The following CHRNB1 variants were observed in gnomAD, a reference collection of about 807,000 sequenced individuals.
CHRNB1 encodes the protein acetylcholine receptor subunit beta.
In CHRNB1, 47 loss-of-function variants were observed where a neutral mutation model predicts 53.8. The ratio of observed to expected loss-of-function variants is 0.87; its 90% confidence interval spans 0.69 to 1.11. The LOEUF is 1.11. CHRNB1 is among the 50% of genes most tolerant of loss of function. The pLI, the probability that CHRNB1 is intolerant of heterozygous loss-of-function variation, is 0.00. For missense variants in CHRNB1, 605 were observed against 654.9 expected, an observed-to-expected ratio of 0.92 and a Z score of 0.83; for synonymous variants, 259 against 263.5, an observed-to-expected ratio of 0.98 and a Z score of 0.16.
intron 3 of CHRNB1, 127 bp from the exon 4 acceptor site, chr17:7,446,706 C>A: frequency 1.4e-6 from 1 of 715,970 alleles, no homozygotes; most frequent in Non-Finnish European, 2.5e-6. Flanking sequence ...GAACCACGGC[C>A]CCTTGACCCA....
At chr17:7,455,628 G>A in intron 9 of CHRNB1, 166 bp from the exon 10 acceptor site, 1 of 1,214,580 alleles carries the variant, frequency 8.2e-7, no homozygotes, top group Middle Eastern at 2.6e-4. Context: ...AACAGAGGCG[G>A]TGGAAGAAGT....
rs79943786 is a variant in CHRNB1 at position 7,448,574 on chromosome 17, C to T, written c.611-5C>T. ...CTGTGTTCCCCTCCTTCTGCTCATC[C>T]CCAGAGAATGGCCAGTGGGAGATTA... On this transcript the variant is annotated splice_region_variant and splice_polypyrimidine_tract_variant and intron_variant, in intron 6 of 10. Coordinates refer to ENST00000306071, the MANE Select transcript of CHRNB1 (RefSeq NM_000747.3). 6.2e-7 allele frequency: 1 copy of T among 1,614,052 alleles called. No individual in the cohort carries two copies. Among genetic ancestry groups the T allele is most frequent in the Non-Finnish European group, 8.5e-7 (1 of 1,179,960 alleles).
intron 8 of CHRNB1, among the ~76,000 whole-genome samples, 184 bp downstream of exon 8, chr17:7,454,704 C>G (rs933848395): frequency 6.7e-6 from 1 of 150,278 alleles, no homozygotes; most frequent in East Asian, 2.0e-4. Flanking sequence ...CTGCCCATCT[C>G]GGGTCCCAGG....
Position 7,445,580 on chromosome 17 carries a change from G to A in CHRNB1, c.198+171G>A. The A allele has an allele frequency of 6.7e-7, 1 of 1,484,092 alleles. No homozygotes were observed. The highest frequency in any genetic ancestry group is 1.3e-5 in the South Asian group (1 of 75,092). The allele number at this position is 1,484,092 out of a possible 1,614,324, so 91.9% of individuals were successfully genotyped here. ...AAATCAGACCAATGGACAAGCTCTGGCCGTGGGTGGTGGACGGGCCTGGAG... is the reference window on the plus strand; with the variant it reads ...AAATCAGACCAATGGACAAGCTCTGACCGTGGGTGGTGGACGGGCCTGGAG... On this transcript the variant is annotated intron_variant, in intron 2 of 10. Transcript: ENST00000306071. The surrounding 1 kb of genome is among the most constrained non-coding windows in gnomAD (Gnocchi z 5.7).
chr17:7,445,214 C>G lies in CHRNB1; in HGVS notation c.58+29C>G. 1 of 1,611,268 alleles carries G rather than the reference C, an allele frequency of 6.2e-7. No individual in the cohort carries two copies. Among genetic ancestry groups the G allele is most frequent in the Non-Finnish European group, 8.5e-7 (1 of 1,179,380 alleles). ...AGTGTAGGCCCCGAAGGGGCAGTGA[C>G]GGGGCCAGCGGTCGTGGCCAGGCAC... On this transcript the variant is annotated intron_variant, in intron 1 of 10. Transcript: ENST00000306071. This position sits in a 1 kb window ranked among gnomAD's most constrained non-coding sequence, Gnocchi z 5.7.
intron 7 of CHRNB1, among the ~76,000 whole-genome samples, chr17:7,453,915 G>T (rs1908978455): frequency 6.6e-6 from 1 of 151,896 alleles, no homozygotes; most frequent in Admixed American, 6.6e-5. Flanking sequence ...ACAAAAATTA[G>T]CTGGGCATGG....
rs1908572970 is a variant in CHRNB1 at position 7,445,574 on chromosome 17, G to A, written c.198+165G>A. On this transcript the variant is annotated intron_variant, in intron 2 of 10. Transcript: ENST00000306071. The surrounding 1 kb of genome is among the most constrained non-coding windows in gnomAD (Gnocchi z 5.7). ...GGATCGAAATCAGACCAATGGACAA[G>A]CTCTGGCCGTGGGTGGTGGACGGGC... is the stretch of plus-strand genomic sequence containing the variant. 6.7e-7 allele frequency: 1 copy of A among 1,488,016 alleles called. No homozygotes were observed. The highest frequency in any genetic ancestry group is 1.4e-5 in the African/African-American group (1 of 72,034). The allele number at this position is 1,488,016 out of a possible 1,614,324, so 92.2% of individuals were successfully genotyped here.
At position 7,446,123 on chromosome 17, in the gene CHRNB1, C is replaced by G. The variant is rs1406586854; in HGVS notation, c.243+10C>G. The G allele has an allele frequency of 6.2e-7, 1 of 1,612,744 alleles. No homozygotes were observed. Among genetic ancestry groups the G allele is most frequent in the South Asian group, 1.1e-5 (1 of 91,064 alleles). On this transcript the variant is annotated intron_variant, in intron 3 of 10. Transcript: ENST00000306071. The stretch of plus-strand genomic sequence containing the variant: ...GGTGTACTTAGACCTGGTATGGAGA[C>G]CCCACGGGGTGGGAAAGGGCTTCCC...
At chr17:7,451,251 G>GTTCTTTTCTTTTCTT (rs1555552159) in intron 7 of CHRNB1, among the ~76,000 whole-genome samples, 3 of 141,798 alleles carry the variant, frequency 2.1e-5, no homozygotes, top group Non-Finnish European at 4.6e-5. Flanking sequence ...GATGTTTCAG[G>GTTCTTTTCTTTTCTT]TTCTTTTCTT....
chr17:7,455,762 C>G (rs1401263966), intron 9 of CHRNB1, 32 bp from the exon 10 acceptor site: 1 of 1,614,074 alleles, frequency 6.2e-7, no homozygotes, highest in South Asian at 1.1e-5. Flanking sequence ...GCTGTCTTTG[C>G]GTTTGGGCGT....
At chr17:7,448,074 C>CAA (rs71157286) in intron 6 of CHRNB1, among the ~76,000 whole-genome samples, 2,824 of 16,642 alleles carry the variant, frequency 0.17, 770 homozygotes, top group South Asian at 0.21. Flanking sequence ...AAGTTCGTCT[C>CAA]AAAAAAAAAA....
chr17:7,447,941 G>A (rs1567677578), intron 6 of CHRNB1, among the ~76,000 whole-genome samples: 1 of 151,840 alleles, frequency 6.6e-6, no homozygotes, highest in African/African-American at 2.4e-5. Flanking sequence ...CAGTCATGGT[G>A]GCAGATGCCT....
Position 7,447,076 on chromosome 17 carries a change from T to C in CHRNB1, c.387T>C (p.Ile129=). 3 of 1,614,174 alleles carry C rather than the reference T, an allele frequency of 1.9e-6. No homozygotes were observed. The highest frequency in any genetic ancestry group is 2.5e-6 in the Non-Finnish European group (3 of 1,180,004). Residue 129 remains isoleucine (I), a synonymous_variant, in exon 5 of 11, where the codon ATT becomes ATC. Transcript: ENST00000306071. The part of the protein sequence containing the change: ...NDGNFDVALD[I]SVVVSSDGSV... Reference sequence around the variant, plus strand: ...GGAATTTTGACGTGGCTCTGGACATTAGCGTCGTGGTGTCCTCCGACGGCT... The same window carrying C: ...GGAATTTTGACGTGGCTCTGGACATCAGCGTCGTGGTGTCCTCCGACGGCT...
At chr17:7,455,534 C>T in intron 9 of CHRNB1, 78 bp downstream of exon 9, 2 of 1,563,664 alleles carry the variant, frequency 1.3e-6, no homozygotes, top group Non-Finnish European at 1.8e-6. Flanking sequence ...AAGAAGCGGC[C>T]CATGCTCTCG....
At chr17:7,453,801 C>T (rs1166974257) in intron 7 of CHRNB1, among the ~76,000 whole-genome samples, 1 of 151,716 alleles carries the variant, frequency 6.6e-6, no homozygotes, top group Non-Finnish European at 1.5e-5. Flanking sequence ...TGGCTCACGC[C>T]TGTAATCCCA....
rs998494409 is a variant in CHRNB1, at chr17:7,454,319, C to CT, written c.846dup (p.Ala283CysfsTer14). ...AAGGAGAGAAGATGGGGCTCTCAATCTTTGCCCTGCTGACCCTTACTGTGT... is the reference window on the plus strand; with the variant it reads ...AAGGAGAGAAGATGGGGCTCTCAATCTTTTGCCCTGCTGACCCTTACTGTGT... On this transcript the variant is annotated frameshift_variant, in exon 8 of 11. Transcript: ENST00000306071. LOFTEE classifies it high-confidence loss of function. The CT allele has an allele frequency of 6.2e-7, 1 of 1,614,188 alleles. No individual in the cohort carries two copies. Among genetic ancestry groups the CT allele is most frequent in the Non-Finnish European group, 8.5e-7 (1 of 1,180,016 alleles).
At chr17:7,454,106 G>A (rs1908985205) in intron 7 of CHRNB1, among the ~76,000 whole-genome samples, 191 bp from the exon 8 acceptor site, 1 of 151,876 alleles carries the variant, frequency 6.6e-6, no homozygotes, top group Non-Finnish European at 1.5e-5. Flanking sequence ...TGCTCAGGCT[G>A]GTCTGAAACT....
intron 3 of CHRNB1, chr17:7,446,527 T>A (rs1348493580): frequency 1.9e-6 from 1 of 531,910 alleles, no homozygotes; most frequent in African/African-American, 1.9e-5. Context: ...TTGGGGCCGC[T>A]AATTTCATTC....
Position 7,455,326 on chromosome 17 carries a change from C to T in CHRNB1, c.1087C>T (p.Pro363Ser). The part of the protein sequence containing the change: ...KLPLYLRLKR[P>S]KPERDLMPEP... Reference sequence around the variant, plus strand: ...TCCGCTGTACCTGCGTCTAAAAAGGCCCAAACCCGAGAGAGACCTGATGCC... The same window carrying T: ...TCCGCTGTACCTGCGTCTAAAAAGGTCCAAACCCGAGAGAGACCTGATGCC... The change falls in exon 9 of 11, where the codon CCC becomes TCC. Residue 363 changes from proline (P) to serine (S), a missense_variant. Transcript: ENST00000306071. The T allele has an allele frequency of 6.2e-7, 1 of 1,614,136 alleles. No individual in the cohort carries two copies. The highest frequency in any genetic ancestry group is 8.5e-7 in the Non-Finnish European group (1 of 1,180,028).
Sources: gnomAD v4.1 joint callset for allele counts (sites outside exome capture counted in the v4.1 genomes callset) on GRCh38, gnomAD v4.1.1 for gene constraint, Gnocchi (gnomAD v3.1) non-coding constraint, MANE v1.5 for transcripts, NCBI Gene and HGNC (gene_info 2026-07-23, HGNC 2026-07-21) for gene names.